The following STARD13 variants were observed in gnomAD, a reference collection of about 807,000 sequenced individuals.
STARD13 encodes the protein stAR-related lipid transfer protein 13.
In STARD13, 62 loss-of-function variants were observed where a neutral mutation model predicts 106.4. That is an observed-to-expected ratio of 0.58 (90% CI 0.48 to 0.72). The LOEUF (loss-of-function observed/expected upper bound fraction) is 0.72. Ranked by LOEUF, STARD13 falls within the 30% of genes least tolerant of loss-of-function variation. The pLI is 0.00. For missense variants in STARD13, 1,387 were observed against 1,424.0 expected, an observed-to-expected ratio of 0.97 and a Z score of 0.42; for synonymous variants, 565 against 553.0, an observed-to-expected ratio of 1.02 and a Z score of -0.31.
intron 1 of STARD13, among the ~76,000 whole-genome samples, chr13:33,274,561 G>A (rs1891323023): frequency 6.6e-6 from 1 of 152,154 alleles, no homozygotes; most frequent in Non-Finnish European, 1.5e-5. Flanking sequence ...TAATTTTTAA[G>A]TTGTTTTCCA....
chr13:33,675,639 G>A, the STARD13 span, among the ~76,000 whole-genome samples: 1 of 152,212 alleles, frequency 6.6e-6, no homozygotes, highest in East Asian at 1.9e-4. Flanking sequence ...AAAGGGTACA[G>A]TGAGGGTTTG....
the STARD13 span, among the ~76,000 whole-genome samples, chr13:33,652,643 T>A: frequency 1.3e-5 from 2 of 152,212 alleles, no homozygotes; most frequent in Admixed American, 6.5e-5. Flanking sequence ...ATTAATGACA[T>A]ACACATGAAA....
intron 1 of STARD13, among the ~76,000 whole-genome samples, chr13:33,177,952 GA>G (rs1315994115): frequency 1.3e-4 from 1 of 7,790 alleles, no homozygotes; most frequent in African/African-American, 9.3e-4. Context: ...AGGAAGGAAG[GA>G]AAGGAAGGAA....
chr13:33,575,105 T>C, the STARD13 span, among the ~76,000 whole-genome samples: 1 of 151,822 alleles, frequency 6.6e-6, no homozygotes, highest in East Asian at 1.9e-4. Context: ...TTAGTAGAGA[T>C]GGGGGTTTCA....
chr13:33,443,745 G>A, the STARD13 span, among the ~76,000 whole-genome samples: 4 of 151,920 alleles, frequency 2.6e-5, no homozygotes, highest in South Asian at 2.1e-4. Flanking sequence ...TTAGCTGGAC[G>A]TGGTGATGTG....
intron 1 of STARD13, among the ~76,000 whole-genome samples, chr13:33,213,524 C>G (rs1480157606): frequency 6.6e-6 from 1 of 152,146 alleles, no homozygotes; most frequent in Non-Finnish European, 1.5e-5. Flanking sequence ...GTTTCTGTTG[C>G]CAAGGAATGG....
At chr13:33,162,967 A>T (rs907268829) in intron 3 of STARD13, among the ~76,000 whole-genome samples, 2 of 152,226 alleles carry the variant, frequency 1.3e-5, no homozygotes, top group African/African-American at 4.8e-5. Flanking sequence ...GCTGATAAAG[A>T]CATACCCAAG....
At chr13:33,479,408 A>G in the STARD13 span, among the ~76,000 whole-genome samples, 1 of 152,250 alleles carries the variant, frequency 6.6e-6, no homozygotes, top group South Asian at 2.1e-4. Flanking sequence ...CAAAAATGCA[A>G]AAAGACAGAT....
chr13:33,200,540 G>T (rs960793639), intron 1 of STARD13, among the ~76,000 whole-genome samples: 3 of 152,196 alleles, frequency 2.0e-5, no homozygotes, highest in African/African-American at 7.2e-5. Context: ...TGCTGCCACC[G>T]ACATTGCATG....
At chr13:33,412,338 C>A in the STARD13 span, among the ~76,000 whole-genome samples, 2 of 151,552 alleles carry the variant, frequency 1.3e-5, no homozygotes, top group African/African-American at 4.9e-5. Flanking sequence ...AACGAGATAC[C>A]CTCAAAAACA....
intron 1 of STARD13, among the ~76,000 whole-genome samples, chr13:33,251,289 A>T (rs1363618734): frequency 6.6e-6 from 1 of 152,208 alleles, no homozygotes; most frequent in Non-Finnish European, 1.5e-5. Context: ...TGCCAGGATG[A>T]TCAAATGACA....
intron 1 of STARD13, among the ~76,000 whole-genome samples, chr13:33,314,065 C>T (rs1193579932): frequency 6.6e-6 from 1 of 152,140 alleles, no homozygotes; most frequent in Non-Finnish European, 1.5e-5. Context: ...GTAAGTCAAC[C>T]CTGCCATCAG....
the STARD13 span, among the ~76,000 whole-genome samples, chr13:33,621,965 C>T: frequency 1.8e-3 from 274 of 151,518 alleles, 1 homozygote; most frequent in African/African-American, 6.3e-3. Flanking sequence ...CCACCACGCC[C>T]GGCTAATTTT....
chr13:33,435,102 T>C, the STARD13 span, among the ~76,000 whole-genome samples: 2 of 152,190 alleles, frequency 1.3e-5, no homozygotes, highest in South Asian at 2.1e-4. Flanking sequence ...AGCTAAGTTA[T>C]GGGACAGCAA....
the STARD13 span, among the ~76,000 whole-genome samples, chr13:33,455,899 G>T: frequency 6.6e-6 from 1 of 152,058 alleles, no homozygotes; most frequent in South Asian, 2.1e-4. Flanking sequence ...AGCCAAGATC[G>T]CACCACGGCA....
chr13:33,196,174 C>A (rs911500404), intron 1 of STARD13, among the ~76,000 whole-genome samples: 4 of 152,178 alleles, frequency 2.6e-5, no homozygotes, highest in Non-Finnish European at 5.9e-5. Context: ...CATTTGAGGT[C>A]AGGAGTTCAA....
chr13:33,111,814 T>C lies in STARD13; in HGVS notation c.2571A>G (p.Leu857=). The change falls in exon 10 of 14, where the codon CTA becomes CTG. Residue 857 remains leucine (L), a synonymous_variant. Transcript: ENST00000336934. Reference sequence around the variant, plus strand: ...TGTCGCATTCCATGATCATGTGCGCTAGCCCCTGAGCTGCTGCCAGATTCT... The same window carrying C: ...TGTCGCATTCCATGATCATGTGCGCCAGCCCCTGAGCTGCTGCCAGATTCT... The part of the protein sequence containing the change: ...LNENLAAAQG[L]AHMIMECDRL... 1.9e-6 allele frequency: 3 copies of C among 1,614,176 alleles called. No homozygotes were observed. The African/African-American group carries it at 4.0e-5, about 22-fold the overall frequency.
At chr13:33,407,709 A>G in the STARD13 span, among the ~76,000 whole-genome samples, 5 of 152,320 alleles carry the variant, frequency 3.3e-5, no homozygotes, top group African/African-American at 9.6e-5. Context: ...TTCATGCTCA[A>G]ATCACAGCCA....
chr13:33,389,022 C>T, the STARD13 span, among the ~76,000 whole-genome samples: 1 of 150,598 alleles, frequency 6.6e-6, no homozygotes, highest in Non-Finnish European at 1.5e-5. Context: ...ATGGTGCAAC[C>T]TTGGCTCACT....
Sources: gnomAD v4.1 joint callset for allele counts (sites outside exome capture counted in the v4.1 genomes callset) on GRCh38, gnomAD v4.1.1 for gene constraint, MANE v1.5 for transcripts, NCBI Gene and HGNC (gene_info 2026-07-23, HGNC 2026-07-21) for gene names.